Variants in NOS1 observed in about 807,000 individuals in gnomAD.
The protein encoded by NOS1 is NOS type I.
A neutral mutation model predicts 164.5 loss-of-function variants in NOS1; 51 were observed. That is an observed-to-expected ratio of 0.31 (90% CI 0.25 to 0.39). The LOEUF (loss-of-function observed/expected upper bound fraction) is 0.39, where lower values mean the gene tolerates loss of function less well. Ranked by LOEUF, NOS1 falls within the 10% of genes least tolerant of loss-of-function variation. The probability of loss-of-function intolerance (pLI) is 1.00; values close to 1 mark genes in which losing one functional copy is unlikely to be tolerated. For missense variants in NOS1, 1,362 were observed against 1,885.6 expected (o/e 0.72, Z 5.14); for synonymous variants, 719 against 745.8 (o/e 0.96, Z 0.59).
intron 2 of NOS1, among the ~76,000 whole-genome samples, chr12:117,311,989 A>G (rs1429693748): frequency 6.6e-6 from 1 of 152,142 alleles, no homozygotes; most frequent in African/African-American, 2.4e-5. Flanking sequence ...ACTGTTCATG[A>G]CACCTACCAG....
At chr12:117,259,259 G>A (rs1871698070) in intron 14 of NOS1, 129 bp from the exon 15 acceptor site, 1 of 638,828 alleles carries the variant, frequency 1.6e-6, no homozygotes, top group Non-Finnish European at 2.8e-6. Context: ...GAGTCATTTT[G>A]GGTCATCTCC....
intron 16 of NOS1, among the ~76,000 whole-genome samples, chr12:117,258,094 C>G (rs369406172): frequency 1.3e-5 from 2 of 152,104 alleles, no homozygotes; most frequent in Non-Finnish European, 2.9e-5. Flanking sequence ...TGAGCCACCA[C>G]GCCCAGCACA....
At chr12:117,324,350 G>A (rs1023115901) in intron 2 of NOS1, among the ~76,000 whole-genome samples, 2 of 152,166 alleles carry the variant, frequency 1.3e-5, no homozygotes, top group African/African-American at 4.8e-5. Flanking sequence ...GATGGACACT[G>A]GATCGGGGAC....
chr12:117,209,846 C>T lies in NOS1; in HGVS notation c.*5463G>A. The T allele has an allele frequency of 1.0e-6, 1 of 985,476 alleles. No homozygotes were observed. Among genetic ancestry groups the T allele is most frequent in the Non-Finnish European group, 1.2e-6 (1 of 829,960 alleles). The allele number at this position is 985,476 out of a possible 1,614,324, so 61.0% of individuals were successfully genotyped here. A position where few individuals can be genotyped will look rare whatever the true frequency, so the allele number is the denominator to read the frequency against. On this transcript the variant is annotated 3_prime_UTR_variant, in exon 29 of 29. Transcript: ENST00000317775. ...GGGAGTGTGAGATAAAGGGCAGAGGCCAGGCCAGGTTGGCCTCCAAAGTCA... is the reference window on the plus strand; with the variant it reads ...GGGAGTGTGAGATAAAGGGCAGAGGTCAGGCCAGGTTGGCCTCCAAAGTCA...
At chr12:117,318,818 G>A (rs1228941083) in intron 2 of NOS1, among the ~76,000 whole-genome samples, 1 of 152,198 alleles carries the variant, frequency 6.6e-6, no homozygotes, top group Non-Finnish European at 1.5e-5. Context: ...GTGCTGGCAG[G>A]AGGCCCTGAC....
At chr12:117,231,366 G>C (rs1217789330) in intron 22 of NOS1, among the ~76,000 whole-genome samples, 4 of 151,412 alleles carry the variant, frequency 2.6e-5, no homozygotes, top group Non-Finnish European at 5.9e-5. Context: ...ATCTAGACAA[G>C]GTGACTATAG....
At chr12:117,283,056 A>ATATATATATATAT (rs1360367568) in intron 7 of NOS1, among the ~76,000 whole-genome samples, 4 of 92,954 alleles carry the variant, frequency 4.3e-5, no homozygotes, top group African/African-American at 1.4e-4. Context: ...ATATATATAT[A>ATATATATATATAT]TTTTTTTTTT....
chr12:117,290,417 A>C lies in NOS1; in HGVS notation c.862T>G (p.Ser288Ala), dbSNP rs2136025733. 1 of 1,611,634 alleles carries C rather than the reference A, an allele frequency of 6.2e-7. No individual in the cohort carries two copies. Among genetic ancestry groups the C allele is most frequent in the East Asian group, 2.2e-5 (1 of 44,768 alleles). The change falls in exon 4 of 29, where the codon TCA becomes GCA. Residue 288 changes from serine to alanine, a missense_variant. By Grantham distance (99) the Ser-to-Ala change is moderately conservative. Transcript: ENST00000317775. ...PYSEKEQPPTSGKQSPTKNGS... is the reference protein window; with the variant it reads ...PYSEKEQPPTAGKQSPTKNGS... ...TTCTTTGTGGGGGACTGTTTTCCTG[A>C]GGTGGGGGGCTGCAGGAGAGAATGA...
In NOS1 at chr12:117,227,549, G is replaced by C; in HGVS notation, c.3498C>G (p.Thr1166=). Residue 1166 remains threonine, a synonymous_variant, in exon 23 of 29, where the codon ACC becomes ACG. Coordinates refer to ENST00000317775, the MANE Select transcript of NOS1 (RefSeq NM_000620.5). The part of the protein sequence containing the change: ...EEFPSIQMPA[T]LLLTQLSLLQ... ...GCAGGGACAGCTGGGTCAGGAGCAGGGTGGCCGGCATCTGGATAGATGGGA... is the reference window on the plus strand; with the variant it reads ...GCAGGGACAGCTGGGTCAGGAGCAGCGTGGCCGGCATCTGGATAGATGGGA... 1 of 1,613,440 alleles carries C rather than the reference G, an allele frequency of 6.2e-7. No homozygotes were observed.
intron 1 of NOS1, among the ~76,000 whole-genome samples, chr12:117,335,729 T>TGAGAGAGAGAGAGAGA (rs60613906): frequency 0.036 from 4,017 of 112,324 alleles, 397 homozygotes; most frequent in Admixed American, 0.051. Flanking sequence ...ACAGACTATA[T>TGAGAGAGAGAGAGAGA]GAGAGAGAGA....
intron 1 of NOS1, among the ~76,000 whole-genome samples, chr12:117,344,974 C>T (rs1163929378): frequency 1.3e-5 from 2 of 151,474 alleles, no homozygotes; most frequent in East Asian, 1.9e-4. Context: ...GAAGATCAAA[C>T]GCGGGCTATT....
In NOS1 at chr12:117,265,390, TG is replaced by T; in HGVS notation, c.2061del (p.Met688CysfsTer52). ...AACACAGGGGTGATGCTTCCGGACA[TG>T]GGGGGCACGATCCACACCCAGTCGG... ...CPADWVWIVP[P>X]MSGSITPVFH... is the part of the protein sequence containing the mutation. On this transcript the variant is annotated frameshift_variant, in exon 12 of 29. Transcript: ENST00000317775. LOFTEE classifies it high-confidence loss of function. 1.3e-6 allele frequency: 2 copies of T among 1,589,678 alleles called. No homozygotes were observed. The highest frequency in any genetic ancestry group is 1.2e-5 in the South Asian group (1 of 85,132).
intron 10 of NOS1, among the ~76,000 whole-genome samples, 186 bp from the exon 11 acceptor site, chr12:117,268,330 A>C (rs993432750): frequency 1.3e-5 from 2 of 151,980 alleles, no homozygotes; most frequent in South Asian, 2.1e-4. Flanking sequence ...TCCTGCATTC[A>C]AGCGATTCTC....
At position 117,272,634 on chromosome 12, in the gene NOS1, T is replaced by C; in HGVS notation, c.1665-75A>G. On this transcript the variant is annotated intron_variant, in intron 9 of 28. Coordinates refer to ENST00000317775, the MANE Select transcript of NOS1 (RefSeq NM_000620.5). This position sits in a 1 kb window ranked among gnomAD's most constrained non-coding sequence, Gnocchi z 4.3. The stretch of plus-strand genomic sequence containing the variant: ...CGGGACAGCTTGAATCTAGAGATGC[T>C]GAAATGCCAAGGATGGACTGGGACT... The C allele has an allele frequency of 7.1e-7, 1 of 1,414,814 alleles. No individual in the cohort carries two copies. Among genetic ancestry groups the C allele is most frequent in the Non-Finnish European group, 9.7e-7 (1 of 1,026,472 alleles). 87.6% of individuals were successfully genotyped at this position (1,414,814 alleles called of 1,614,324 possible). A position where few individuals can be genotyped will look rare whatever the true frequency, so the allele number is the denominator to read the frequency against.
intron 1 of NOS1, among the ~76,000 whole-genome samples, chr12:117,349,622 C>T (rs1027403190): frequency 3.3e-5 from 5 of 152,200 alleles, no homozygotes; most frequent in Non-Finnish European, 7.3e-5. Context: ...ATGGGTCCCA[C>T]CAGTGGAGTA....
At chr12:117,239,781 G>A (rs1870018855) in intron 20 of NOS1, among the ~76,000 whole-genome samples, 1 of 151,942 alleles carries the variant, frequency 6.6e-6, no homozygotes, top group Admixed American at 6.6e-5. Flanking sequence ...TGCTTTTAAA[G>A]CACTTTAAGC....
chr12:117,338,644 T>C (rs1476110631), intron 1 of NOS1, among the ~76,000 whole-genome samples: 1 of 152,202 alleles, frequency 6.6e-6, no homozygotes, highest in African/African-American at 2.4e-5. Flanking sequence ...CTAACTCATC[T>C]GTACAATAAA....
chr12:117,284,218 T>C (rs1221093937), intron 7 of NOS1, among the ~76,000 whole-genome samples: 2 of 152,222 alleles, frequency 1.3e-5, no homozygotes, highest in African/African-American at 2.4e-5. Flanking sequence ...TGATCCTGTG[T>C]GGCTCCAAGA....
At chr12:117,285,993 T>C (rs574547694) in intron 6 of NOS1, 111 bp downstream of exon 6, 5 of 1,200,500 alleles carry the variant, frequency 4.2e-6, no homozygotes, top group Non-Finnish European at 5.9e-6. Flanking sequence ...TAGGTCACCA[T>C]GGCTACCAGG....
Sources: allele counts gnomAD v4.1 joint callset (sites outside exome capture counted in the v4.1 genomes callset), GRCh38; gene constraint gnomAD v4.1.1; non-coding constraint Gnocchi (gnomAD v3.1); transcripts MANE v1.5; gene names NCBI Gene and HGNC (gene_info 2026-07-23, HGNC 2026-07-21).